GOLT1B: variants seen among roughly 807,000 people sequenced by gnomAD.
The protein encoded by GOLT1B is vesicle transport protein GOT1B.
In GOLT1B, 3 loss-of-function variants were observed where a neutral mutation model predicts 15.4. That is an observed-to-expected ratio of 0.19 (90% CI 0.09 to 0.50). The LOEUF (loss-of-function observed/expected upper bound fraction) is 0.50, where lower values mean the gene tolerates loss of function less well. GOLT1B is among the 20% of genes least tolerant of loss of function. GOLT1B has a pLI of 0.97. For missense variants in GOLT1B, 145 were observed against 160.4 expected, an observed-to-expected ratio of 0.90 and a Z score of 0.52; for synonymous variants, 65 against 56.2, an observed-to-expected ratio of 1.16 and a Z score of -0.70.
intron 4 of GOLT1B, among the ~76,000 whole-genome samples, chr12:21,512,997 G>T (rs539305401): frequency 1.7e-4 from 26 of 151,758 alleles, no homozygotes; most frequent in Admixed American, 3.9e-4. Context: ...GGCCTAGGGG[G>T]TCAAGGCTGC....
intron 2 of GOLT1B, 102 bp downstream of exon 2, chr12:21,507,078 C>T (rs1943684217): frequency 1.5e-6 from 1 of 680,388 alleles, no homozygotes; most frequent in South Asian, 1.6e-5. Context: ...TTCACTATTA[C>T]TCATAAGTAA....
At chr12:21,506,130 T>G (rs924018890) in intron 1 of GOLT1B, among the ~76,000 whole-genome samples, 1 of 152,102 alleles carries the variant, frequency 6.6e-6, no homozygotes, top group African/African-American at 2.4e-5. Context: ...ATGAAACTAA[T>G]GAAACATGAA....
chr12:21,504,648 GTTACTGAA>G (rs1213841385), intron 1 of GOLT1B: 2 of 400,800 alleles, frequency 5.0e-6, no homozygotes, highest in Non-Finnish European at 1.0e-5. Context: ...TCAAGAACAA[GTTACTGAA>G]TTACCTCTAG....
intron 3 of GOLT1B, among the ~76,000 whole-genome samples, chr12:21,509,001 T>G (rs1194426322): frequency 1.3e-5 from 2 of 152,174 alleles, no homozygotes; most frequent in Non-Finnish European, 2.9e-5. Flanking sequence ...ATATACGTAT[T>G]AGAAGATTGT....
rs954627311 is a variant in GOLT1B at position 21,516,589 on chromosome 12, T to G, written c.*882T>G. The stretch of plus-strand genomic sequence containing the variant: ...GATTTTTTCCATGTCATGATGTAAT[T>G]TTTCTTTCTTCTTTCTTTTTTTTAA... On this transcript the variant is annotated 3_prime_UTR_variant, in exon 5 of 5. Coordinates refer to ENST00000229314, the MANE Select transcript of GOLT1B (RefSeq NM_016072.5). 5.3e-5 allele frequency: 8 copies of G among 152,064 alleles called. No homozygotes were observed. The highest frequency in any genetic ancestry group is 1.2e-4 in the Non-Finnish European group (8 of 67,920). 9.4% of individuals were successfully genotyped at this position (152,064 alleles called of 1,614,324 possible).
chr12:21,511,517 G>T (rs1156362431), intron 3 of GOLT1B, among the ~76,000 whole-genome samples: 1 of 152,164 alleles, frequency 6.6e-6, no homozygotes, highest in Non-Finnish European at 1.5e-5. Flanking sequence ...AGGAGGTAGG[G>T]CTCAGATTTC....
chr12:21,503,475 G>A (rs995503221), intron 1 of GOLT1B, among the ~76,000 whole-genome samples: 2 of 152,176 alleles, frequency 1.3e-5, no homozygotes, highest in Non-Finnish European at 2.9e-5. Context: ...TCTGTGCATA[G>A]AAATTATATT....
chr12:21,509,414 A>C (rs903535323), intron 3 of GOLT1B, among the ~76,000 whole-genome samples: 2 of 151,312 alleles, frequency 1.3e-5, no homozygotes, highest in East Asian at 1.9e-4. Context: ...AAAAAAAAAA[A>C]AAAAAAAAAA....
At position 21,516,928 on chromosome 12, in the gene GOLT1B, T is replaced by C. The variant is rs987400728; in HGVS notation, c.*1221T>C. 2 of 152,568 alleles carry C rather than the reference T, an allele frequency of 1.3e-5. No homozygotes were observed. Among genetic ancestry groups the C allele is most frequent in the African/African-American group, 2.4e-5 (1 of 41,566 alleles). The allele number at this position is 152,568 out of a possible 1,614,324, so 9.5% of individuals were successfully genotyped here. ...GACACTAAAAAAAAAGTGTTTTTTTTCCACCGTTGCTGATTATTAGACAGT... is the reference window on the plus strand; with the variant it reads ...GACACTAAAAAAAAAGTGTTTTTTTCCCACCGTTGCTGATTATTAGACAGT... On this transcript the variant is annotated 3_prime_UTR_variant, in exon 5 of 5. Coordinates refer to ENST00000229314, the MANE Select transcript of GOLT1B (RefSeq NM_016072.5).
At chr12:21,503,508 GA>G (rs1943656035) in intron 1 of GOLT1B, among the ~76,000 whole-genome samples, 1 of 152,196 alleles carries the variant, frequency 6.6e-6, no homozygotes, top group South Asian at 2.1e-4. Context: ...ATATAGTGAT[GA>G]GTGCCTGCTT....
chr12:21,502,240 C>T (rs1427458819), intron 1 of GOLT1B, among the ~76,000 whole-genome samples: 2 of 152,162 alleles, frequency 1.3e-5, no homozygotes, highest in African/African-American at 2.4e-5. Context: ...CTGATCTCCT[C>T]ATCCCCAGTG....
At chr12:21,508,896 GA>G (rs1943699069) in intron 3 of GOLT1B, among the ~76,000 whole-genome samples, 1 of 113,094 alleles carries the variant, frequency 8.8e-6, no homozygotes, top group African/African-American at 2.8e-5. Flanking sequence ...TAGGTAGATA[GA>G]TAGATAGATA....
chr12:21,509,996 G>T (rs377368658), intron 3 of GOLT1B, among the ~76,000 whole-genome samples: 2 of 152,132 alleles, frequency 1.3e-5, no homozygotes, highest in Admixed American at 6.5e-5. Flanking sequence ...GGAGAAGGTC[G>T]GGGGAGTGGG....
At chr12:21,508,614 C>A in intron 3 of GOLT1B, 53 bp downstream of exon 3, 1 of 861,558 alleles carries the variant, frequency 1.2e-6, no homozygotes, top group Non-Finnish European at 1.9e-6. Flanking sequence ...ATAGTTAGTA[C>A]AAAAACTCAG....
At chr12:21,515,631 G>T in intron 4 of GOLT1B, 38 bp from the exon 5 acceptor site, 1 of 1,064,714 alleles carries the variant, frequency 9.4e-7, no homozygotes, top group South Asian at 1.4e-5. Context: ...ATAATGTTCC[G>T]GGCTTTCTTT....
intron 1 of GOLT1B, among the ~76,000 whole-genome samples, chr12:21,502,631 A>G (rs1943642373): frequency 6.6e-6 from 1 of 152,128 alleles, no homozygotes; most frequent in Non-Finnish European, 1.5e-5. Context: ...TTATTTTAGC[A>G]TCGCTCTCTG....
At chr12:21,502,517 T>C (rs1366148660) in intron 1 of GOLT1B, among the ~76,000 whole-genome samples, 1 of 152,192 alleles carries the variant, frequency 6.6e-6, no homozygotes, top group Non-Finnish European at 1.5e-5. Context: ...ACATTCTCAC[T>C]TTTCTACCTG....
chr12:21,510,245 G>C (rs556542249), intron 3 of GOLT1B, among the ~76,000 whole-genome samples: 1 of 152,250 alleles, frequency 6.6e-6, no homozygotes, highest in East Asian at 1.9e-4. Flanking sequence ...AAAAGAGGTG[G>C]GAGAAGAACT....
chr12:21,501,903 G>C lies in GOLT1B; in HGVS notation c.-21G>C, dbSNP rs373400881. 3.1e-6 allele frequency: 5 copies of C among 1,591,508 alleles called. No homozygotes were observed. In the South Asian group the frequency reaches 4.4e-5, roughly 14 times the overall value. Reference sequence around the variant, plus strand: ...CTGGGCTTTCCGAGGTGCTGTCGCCGCTGTCCCCACCACTGCAGCCATGAT... The same window carrying C: ...CTGGGCTTTCCGAGGTGCTGTCGCCCCTGTCCCCACCACTGCAGCCATGAT... On this transcript the variant is annotated 5_prime_UTR_variant, in exon 1 of 5. Transcript: ENST00000229314.
Sources: gnomAD v4.1 joint callset for allele counts (sites outside exome capture counted in the v4.1 genomes callset) on GRCh38, gnomAD v4.1.1 for gene constraint, MANE v1.5 for transcripts, NCBI Gene and HGNC (gene_info 2026-07-23, HGNC 2026-07-21) for gene names.